PKHD1: variants seen among roughly 807,000 people sequenced by gnomAD.
The protein encoded by PKHD1 is PKHD1 ciliary IPT domain containing fibrocystin/polyductin.
In PKHD1, 291 loss-of-function variants were observed where a neutral mutation model predicts 412.0. The observed-to-expected ratio is 0.71, with a 90% CI of 0.64 to 0.78. The LOEUF (loss-of-function observed/expected upper bound fraction) is 0.78, where lower values mean the gene tolerates loss of function less well. PKHD1 is among the 30% of genes least tolerant of loss of function. PKHD1 has a pLI of 0.00. For synonymous variants in PKHD1, 1,777 were observed against 1,821.5 expected (o/e 0.98, Z 0.62); for missense variants, 4,825 against 4,950.7 (o/e 0.97, Z 0.76).
At chr6:52,013,808 A>T (rs1233558188) in intron 34 of PKHD1, among the ~76,000 whole-genome samples, 1 of 152,220 alleles carries the variant, frequency 6.6e-6, no homozygotes, top group Non-Finnish European at 1.5e-5. Context: ...TCCTAAAGTA[A>T]GCAAGTAACC....
chr6:51,889,894 A>C (rs1778839192), intron 43 of PKHD1, among the ~76,000 whole-genome samples: 1 of 152,130 alleles, frequency 6.6e-6, no homozygotes, highest in Non-Finnish European at 1.5e-5. Flanking sequence ...ACTGCTGAAA[A>C]CTGAAGGAGG....
At chr6:51,642,798 C>A (rs1485660474) in intron 63 of PKHD1, among the ~76,000 whole-genome samples, 1 of 152,070 alleles carries the variant, frequency 6.6e-6, no homozygotes, top group Non-Finnish European at 1.5e-5. Context: ...CAAGATCGTG[C>A]CACTGCATTC....
chr6:51,795,242 C>T (rs1273400093), intron 52 of PKHD1, among the ~76,000 whole-genome samples: 1 of 152,154 alleles, frequency 6.6e-6, no homozygotes, highest in African/African-American at 2.4e-5. Flanking sequence ...GAACTGTTCA[C>T]TTCCCTTGTT....
At chr6:51,720,971 A>C (rs1582273086) in intron 60 of PKHD1, 1 of 983,678 alleles carries the variant, frequency 1.0e-6, no homozygotes, top group Non-Finnish European at 1.2e-6. Flanking sequence ...GAAGGAAAAG[A>C]TCTGGCAGCA....
chr6:51,628,048 T>C (rs1349431112), intron 65 of PKHD1, among the ~76,000 whole-genome samples: 4 of 152,154 alleles, frequency 2.6e-5, no homozygotes, highest in Non-Finnish European at 5.9e-5. Context: ...GAGATAGTTA[T>C]GGGTAGGAAA....
chr6:51,949,827 C>T (rs939743662), intron 36 of PKHD1, among the ~76,000 whole-genome samples: 3 of 152,076 alleles, frequency 2.0e-5, no homozygotes, highest in Admixed American at 2.0e-4. Context: ...TAATCAAGCA[C>T]AGAATACCTA....
chr6:51,778,510 G>A (rs1036306917), intron 53 of PKHD1, among the ~76,000 whole-genome samples: 4 of 152,018 alleles, frequency 2.6e-5, no homozygotes, highest in Non-Finnish European at 5.9e-5. Flanking sequence ...ATCCTAGGAC[G>A]TGTGGATATG....
chr6:51,737,635 C>G (rs1381126804), intron 60 of PKHD1, among the ~76,000 whole-genome samples: 1 of 152,058 alleles, frequency 6.6e-6, no homozygotes. Context: ...TTCTTAATAT[C>G]TTGTTTATTT....
At chr6:51,679,117 A>T (rs1361836914) in intron 60 of PKHD1, among the ~76,000 whole-genome samples, 1 of 152,098 alleles carries the variant, frequency 6.6e-6, no homozygotes, top group Non-Finnish European at 1.5e-5. Context: ...AATCTGCGCC[A>T]TATGTGACCA....
At chr6:51,634,685 C>A (rs2580023) in intron 64 of PKHD1, among the ~76,000 whole-genome samples, 6,513 of 152,142 alleles carry the variant, frequency 0.043, 234 homozygotes, top group African/African-American at 0.093. Context: ...TGATATGATT[C>A]GGGAAAGCAT....
At chr6:52,087,192 A>T (rs541308705) in intron 1 of PKHD1, among the ~76,000 whole-genome samples, 5 of 152,298 alleles carry the variant, frequency 3.3e-5, no homozygotes, top group African/African-American at 9.6e-5. Context: ...ACCACAGAGG[A>T]GAGCTGTGTG....
chr6:51,831,001 A>C lies in PKHD1; in HGVS notation c.8174-12T>G. The C allele has an allele frequency of 6.2e-7, 1 of 1,608,794 alleles. No homozygotes were observed. Among genetic ancestry groups the C allele is most frequent in the Non-Finnish European group, 8.5e-7 (1 of 1,175,832 alleles). On this transcript the variant is annotated splice_polypyrimidine_tract_variant and intron_variant, in intron 51 of 66. Transcript: ENST00000371117. Reference sequence around the variant, plus strand: ...GGCAGAGGTAGAAGCTAGAAAATAAAAAAAAATTTTGAAAATCTAATCCAT... The same window carrying C: ...GGCAGAGGTAGAAGCTAGAAAATAACAAAAAATTTTGAAAATCTAATCCAT...
At chr6:51,903,785 A>G in intron 42 of PKHD1, 58 bp from the exon 43 acceptor site, 1 of 1,397,072 alleles carries the variant, frequency 7.2e-7, no homozygotes, top group South Asian at 1.2e-5. Flanking sequence ...ACTCAACTCA[A>G]CACCCTTGAT....
intron 52 of PKHD1, among the ~76,000 whole-genome samples, chr6:51,799,545 T>C (rs1326567): frequency 0.35 from 52,518 of 152,100 alleles, 11,180 homozygotes; most frequent in East Asian, 0.68. Context: ...GTGTCTATTA[T>C]AAGAAAATTC....
chr6:51,732,159 A>G (rs758172427), intron 60 of PKHD1, among the ~76,000 whole-genome samples: 1 of 152,178 alleles, frequency 6.6e-6, no homozygotes, highest in African/African-American at 2.4e-5. Flanking sequence ...CCTGGATGCT[A>G]AGATACTAAG....
intron 37 of PKHD1, among the ~76,000 whole-genome samples, chr6:51,928,507 T>C (rs939658240): frequency 4.6e-5 from 7 of 151,854 alleles, no homozygotes; most frequent in South Asian, 2.1e-4. Flanking sequence ...ACAGGTAATA[T>C]TTTGTGGTGA....
At chr6:52,050,564 T>G (rs1239681570) in intron 21 of PKHD1, among the ~76,000 whole-genome samples, 2 of 152,200 alleles carry the variant, frequency 1.3e-5, no homozygotes, top group South Asian at 4.1e-4. Context: ...GCTAGTAAAA[T>G]GTCACTCCCT....
Position 51,995,852 on chromosome 6 carries a change from A to G in PKHD1, c.5751+14457T>C, listed in dbSNP as rs917560882. ...ATGGACTAGTTCTAACATTCTAGAT[A>G]TTGAATGCATAATTTTATCTAGGCC... On this transcript the variant is annotated intron_variant, in intron 35 of 66. Transcript: ENST00000371117. Among the ~76,000 whole-genome samples, 8 of 152,252 alleles carry G rather than the reference A, an allele frequency of 5.3e-5. No individual in the cohort carries two copies. In the South Asian group the frequency reaches 1.4e-3, roughly 28 times the overall value.
At position 51,903,614 on chromosome 6, in the gene PKHD1, G is replaced by T; in HGVS notation, c.6979C>A (p.Pro2327Thr). 6.2e-7 allele frequency: 1 copy of T among 1,610,838 alleles called. No homozygotes were observed. The highest frequency in any genetic ancestry group is 1.1e-5 in the South Asian group (1 of 91,016). The change falls in exon 43 of 67, where the codon CCC (proline) becomes ACC (threonine). Residue 2327 changes from proline (P) to threonine (T), a missense_variant. Coordinates refer to ENST00000371117, the MANE Select transcript of PKHD1 (RefSeq NM_138694.4). ...CATCTTACCTCTATAACATTGGTGGGACTGCAGATATAGATGCCAGATGGT... is the reference window on the plus strand; with the variant it reads ...CATCTTACCTCTATAACATTGGTGGTACTGCAGATATAGATGCCAGATGGT... ...LTPSGIYICS[P>T]TNVIEGNRVC...
Sources: allele counts gnomAD v4.1 joint callset (sites outside exome capture counted in the v4.1 genomes callset), GRCh38; gene constraint gnomAD v4.1.1; transcripts MANE v1.5; gene names NCBI Gene and HGNC (gene_info 2026-07-23, HGNC 2026-07-21).